Variants in BPTF observed in about 807,000 individuals in gnomAD.
BPTF encodes nucleosome-remodeling factor subunit BPTF.
A neutral mutation model predicts 292.5 loss-of-function variants in BPTF; 18 were observed. The ratio of observed to expected loss-of-function variants is 0.06; its 90% CI spans 0.04 to 0.09. The LOEUF is 0.09. Ranked by LOEUF, BPTF falls within the 10% of genes least tolerant of loss-of-function variation. BPTF has a pLI of 1.00. For missense variants in BPTF, 2,726 were observed against 3,498.7 expected (o/e 0.78, Z 5.57); for synonymous variants, 1,225 against 1,251.9 (o/e 0.98, Z 0.45).
chr17:67,886,780 C>T (rs1194247039), intron 4 of BPTF, among the ~76,000 whole-genome samples: 1 of 152,096 alleles, frequency 6.6e-6, no homozygotes, highest in Non-Finnish European at 1.5e-5. Context: ...CTCAGTGATA[C>T]ATGGAGAGAA....
intron 19 of BPTF, among the ~76,000 whole-genome samples, chr17:67,941,479 A>G (rs2065360842): frequency 1.3e-5 from 2 of 152,196 alleles, no homozygotes; most frequent in South Asian, 4.1e-4. Context: ...TTAGTATATA[A>G]TACTTCACTA....
At chr17:67,977,540 CAAAAAT>C (rs1363722906) in intron 27 of BPTF, among the ~76,000 whole-genome samples, 8 of 150,350 alleles carry the variant, frequency 5.3e-5, no homozygotes, top group Non-Finnish European at 1.0e-4. Context: ...AGTGTGCTGT[CAAAAAT>C]AAGGAAACAA....
At chr17:67,915,130 T>G (rs2062897812) in intron 11 of BPTF, among the ~76,000 whole-genome samples, 1 of 152,212 alleles carries the variant, frequency 6.6e-6, no homozygotes, top group African/African-American at 2.4e-5. Context: ...ATGATCTTTG[T>G]TATTAATGTT....
At chr17:67,844,061 G>A (rs1038868570) in intron 1 of BPTF, among the ~76,000 whole-genome samples, 26 of 135,324 alleles carry the variant, frequency 1.9e-4, no homozygotes, top group African/African-American at 7.0e-4. Context: ...CACCGTGCCC[G>A]GCCCCCGCCT....
intron 4 of BPTF, among the ~76,000 whole-genome samples, chr17:67,884,067 A>G (rs1055512981): frequency 4.6e-5 from 7 of 152,012 alleles, no homozygotes; most frequent in Non-Finnish European, 7.4e-5. Context: ...AGTTCTTGCT[A>G]CAATGCATGG....
rs760620027 is a variant in BPTF, at chr17:67,922,843, C to T, written c.5561C>T (p.Thr1854Met). Residue 1854 changes from threonine to methionine, a missense_variant, in exon 14 of 28, where the codon ACG becomes ATG. Thr to Met is a moderately conservative substitution (Grantham distance 81). Coordinates refer to ENST00000306378, the MANE Select transcript of BPTF (RefSeq NM_182641.4). ...TATTCTGATTTCCTTTCCAAAGAAA[C>T]GCCTACACCTCAGAGGAAAGGCCTT... ...PIGVPETPKETPTPQRKGLRS... is the reference protein window; with the variant it reads ...PIGVPETPKEMPTPQRKGLRS... 5 of 1,590,624 alleles carry T rather than the reference C, an allele frequency of 3.1e-6. No homozygotes were observed. Among genetic ancestry groups the T allele is most frequent in the East Asian group, 2.2e-5 (1 of 44,612 alleles).
intron 1 of BPTF, among the ~76,000 whole-genome samples, chr17:67,844,175 G>A (rs1486840299): frequency 2.6e-4 from 38 of 148,364 alleles, no homozygotes; most frequent in African/African-American, 8.7e-4. Flanking sequence ...CGCCTCCCAG[G>A]TTCAAGTGAG....
rs543894284 is a variant in BPTF at position 67,891,898 on chromosome 17, C to T, written c.1919C>T (p.Ala640Val). The T allele has an allele frequency of 6.2e-7, 1 of 1,611,362 alleles. No individual in the cohort carries two copies. The highest frequency in any genetic ancestry group is 1.3e-5 in the African/African-American group (1 of 74,830). Residue 640 changes from alanine (A) to valine (V), a missense_variant, in exon 5 of 28, where the codon GCT (alanine) becomes GTT (valine). Coordinates refer to ENST00000306378, the MANE Select transcript of BPTF (RefSeq NM_182641.4). ...SNGELSESPG[A>V]GKGASGSTRI... ...GGGGAGCTAAGTGAATCTCCTGGAG[C>T]TGGAAAAGGAGCATCTGGCTCAACT...
chr17:67,936,518 A>G (rs191420793), intron 18 of BPTF: 1 of 152,288 alleles, frequency 6.6e-6, no homozygotes, highest in East Asian at 1.9e-4. Flanking sequence ...AGCTGTAAGT[A>G]TGTGTTTGTC....
At chr17:67,970,349 A>G (rs2068629835) in intron 26 of BPTF, among the ~76,000 whole-genome samples, 1 of 152,166 alleles carries the variant, frequency 6.6e-6, no homozygotes, top group Non-Finnish European at 1.5e-5. Flanking sequence ...AGCGAGCCAT[A>G]ATCGCACTAC....
Position 67,838,168 on chromosome 17 carries a change from A to G in BPTF, c.613+11831A>G, listed in dbSNP as rs1203227327. ...CATAGCAGGAAAGCAGCCATAGACA[A>G]TAAGTAAACAAATGAGCATGGCTGC... is the stretch of plus-strand genomic sequence containing the variant. On this transcript the variant is annotated intron_variant, in intron 1 of 27. Transcript: ENST00000306378. Among the ~76,000 whole-genome samples, 7 of 152,362 alleles carry G rather than the reference A, an allele frequency of 4.6e-5. No homozygotes were observed. In the South Asian group the frequency reaches 8.3e-4, roughly 18 times the overall value.
Position 67,893,443 on chromosome 17 carries a change from T to C in BPTF, c.2129T>C (p.Ile710Thr). The change falls in exon 6 of 28, where the codon ATC becomes ACC. Residue 710 changes from isoleucine (I) to threonine (T), a missense_variant. Physicochemically the swap from Ile to Thr is moderately conservative, Grantham distance 89. Coordinates refer to ENST00000306378, the MANE Select transcript of BPTF (RefSeq NM_182641.4). ...AAGGAAGTGATCATGAAAGGAAATATCAACAATTATTTTAAATTGGGTCAA... is the reference window on the plus strand; with the variant it reads ...AAGGAAGTGATCATGAAAGGAAATACCAACAATTATTTTAAATTGGGTCAA... ...TKKEVIMKGN[I>T]NNYFKLGQEG... 1 of 1,614,158 alleles carries C rather than the reference T, an allele frequency of 6.2e-7. No homozygotes were observed. Among genetic ancestry groups the C allele is most frequent in the Non-Finnish European group, 8.5e-7 (1 of 1,180,024 alleles).
intron 23 of BPTF, among the ~76,000 whole-genome samples, chr17:67,953,432 G>GT (rs1555679373): frequency 6.7e-6 from 1 of 149,846 alleles, no homozygotes; most frequent in Non-Finnish European, 1.5e-5. Flanking sequence ...ATTTTTTTTT[G>GT]TTTTTTGAAG....
intron 1 of BPTF, among the ~76,000 whole-genome samples, chr17:67,833,776 C>T (rs1483401143): frequency 6.6e-6 from 1 of 151,882 alleles, no homozygotes; most frequent in Admixed American, 6.6e-5. Context: ...CCATGTTGGC[C>T]TTGCTTGTCT....
At chr17:67,978,363 A>G (rs1203954724) in intron 27 of BPTF, among the ~76,000 whole-genome samples, 13 of 150,486 alleles carry the variant, frequency 8.6e-5, no homozygotes, top group African/African-American at 3.2e-4. Flanking sequence ...CAGTGGCACA[A>G]TCTCGGCTCG....
At chr17:67,902,982 C>T (rs1224476746) in intron 7 of BPTF, among the ~76,000 whole-genome samples, 3 of 152,234 alleles carry the variant, frequency 2.0e-5, no homozygotes, top group Non-Finnish European at 2.9e-5. Flanking sequence ...CTAGTCTAAT[C>T]CCCTAAATGT....
At position 67,854,286 on chromosome 17, in the gene BPTF, C is replaced by T. The variant is rs748480512; in HGVS notation, c.960C>T (p.Phe320=). ...LKDSVNSTLY[F]IDGMTWPEVL... is the part of the protein sequence containing the mutation. ...ATAGCGTTAATTCCACACTGTATTT[C>T]ATAGATGGGATGACGTGGCCAGAGG... The change falls in exon 2 of 28, where the codon TTC becomes TTT. Residue 320 remains phenylalanine, a synonymous_variant. Transcript: ENST00000306378. This position sits in a 1 kb window ranked among gnomAD's most constrained non-coding sequence, Gnocchi z 5.6. 10 of 1,614,046 alleles carry T rather than the reference C, an allele frequency of 6.2e-6. No individual in the cohort carries two copies. The African/African-American group carries it at 1.3e-4, about 22-fold the overall frequency.
In BPTF at chr17:67,928,336, C is replaced by A; in HGVS notation, c.5752-19C>A. The stretch of plus-strand genomic sequence containing the variant: ...TTAGAACTATTTTGATTCATGTTTC[C>A]TCTCCTTCACTTTTTTAGAAACGAC... On this transcript the variant is annotated intron_variant, in intron 15 of 27. Transcript: ENST00000306378. The A allele has an allele frequency of 6.3e-7, 1 of 1,583,652 alleles. No homozygotes were observed. The highest frequency in any genetic ancestry group is 1.1e-5 in the South Asian group (1 of 87,790).
At position 67,909,635 on chromosome 17, in the gene BPTF, C is replaced by A. The variant is rs761159904; in HGVS notation, c.2866C>A (p.Arg956=). 1 of 1,588,760 alleles carries A rather than the reference C, an allele frequency of 6.3e-7. No homozygotes were observed. The highest frequency in any genetic ancestry group is 8.5e-7 in the Non-Finnish European group (1 of 1,170,498). ...TGAGTCAGATAAAAGAAAATGTTCA[C>A]GAAGTCCAAAAAAAATAAAAATAGA... ...MDESDKRKCS[R]SPKKIKIEPD... Residue 956 remains arginine, a synonymous_variant, in exon 10 of 28, where the codon CGA becomes AGA. Coordinates refer to ENST00000306378, the MANE Select transcript of BPTF (RefSeq NM_182641.4).
Sources: gnomAD v4.1 joint callset for allele counts (sites outside exome capture counted in the v4.1 genomes callset) on GRCh38, gnomAD v4.1.1 for gene constraint, Gnocchi (gnomAD v3.1) non-coding constraint, MANE v1.5 for transcripts, NCBI Gene and HGNC (gene_info 2026-07-23, HGNC 2026-07-21) for gene names.